TTC33: variants seen among roughly 807,000 people sequenced by gnomAD.
TTC33 encodes tetratricopeptide repeat protein 33.
Under a neutral mutation model 29.4 loss-of-function variants are expected in TTC33, and 24 were observed. The observed-to-expected ratio is 0.82, with a 90% CI of 0.59 to 1.15. The LOEUF is 1.15. Ranked by LOEUF, TTC33 falls within the 50% of genes most tolerant of loss-of-function variation. TTC33 has a pLI of 0.00. For synonymous variants in TTC33, 107 were observed against 100.3 expected, an observed-to-expected ratio of 1.07 and a Z score of -0.40; for missense variants, 286 against 310.4, an observed-to-expected ratio of 0.92 and a Z score of 0.59.
rs1741918421 is a variant in TTC33 at position 40,712,617 on chromosome 5, G to C, written c.*3528C>G. ...TTTGCAGAGGCAAAGAACTTTCACT[G>C]CAAGGTTCACAATGTAGCTGGCAAG... On this transcript the variant is annotated 3_prime_UTR_variant, in exon 5 of 5. Transcript: ENST00000337702. Among the ~76,000 whole-genome samples the C allele has an allele frequency of 6.6e-6, 1 of 152,154 alleles. No individual in the cohort carries two copies.
chr5:40,723,316 T>C (rs1008735206), intron 4 of TTC33, among the ~76,000 whole-genome samples: 1 of 152,022 alleles, frequency 6.6e-6, no homozygotes, highest in African/African-American at 2.4e-5. Flanking sequence ...CAGGGTCCTC[T>C]GCCTAGGAAA....
At chr5:40,720,551 G>A (rs185033979) in intron 4 of TTC33, among the ~76,000 whole-genome samples, 46 of 152,202 alleles carry the variant, frequency 3.0e-4, no homozygotes, top group Non-Finnish European at 4.9e-4. Flanking sequence ...TCTCCCAAGG[G>A]CACTCCTCTT....
rs930595716 is a variant in TTC33, at chr5:40,711,645, A to G, written c.*4500T>C. On this transcript the variant is annotated 3_prime_UTR_variant, in exon 5 of 5. Transcript: ENST00000337702. ...CTTGAAACAACCTAAATGTCCATCA[A>G]TAGGTGAACAGCTAAACAAATTGTG... Among the ~76,000 whole-genome samples, 2 of 152,148 alleles carry G rather than the reference A, an allele frequency of 1.3e-5. No individual in the cohort carries two copies. The highest frequency in any genetic ancestry group is 2.4e-5 in the African/African-American group (1 of 41,446).
chr5:40,743,096 T>G (rs1344599483), intron 2 of TTC33, among the ~76,000 whole-genome samples: 1 of 152,098 alleles, frequency 6.6e-6, no homozygotes, highest in African/African-American at 2.4e-5. Flanking sequence ...ACTAAATAAG[T>G]GTATACAGTA....
chr5:40,736,975 T>C (rs1438693736), intron 2 of TTC33, among the ~76,000 whole-genome samples: 1 of 152,170 alleles, frequency 6.6e-6, no homozygotes, highest in Non-Finnish European at 1.5e-5. Flanking sequence ...GAATCATGAA[T>C]ACTCTAAGGT....
chr5:40,730,612 C>A (rs1742404425), intron 2 of TTC33, among the ~76,000 whole-genome samples: 1 of 152,146 alleles, frequency 6.6e-6, no homozygotes, highest in South Asian at 2.1e-4. Flanking sequence ...CCTCCTCCAC[C>A]CCCGGGCAAA....
rs1561145928 is a variant in TTC33, at chr5:40,726,214, T to TA, written c.435+2130_435+2131insT. Among the ~76,000 whole-genome samples the TA allele has an allele frequency of 1.3e-3, 196 of 149,282 alleles. 1 individual carries two copies. Among genetic ancestry groups the TA allele is most frequent in the African/African-American group, 4.7e-3 (189 of 40,606 alleles). ...AATGTATACCATATACATACATATT[T>TA]TATATATATATATCTCCTATAAACA... On this transcript the variant is annotated intron_variant, in intron 4 of 4. Transcript: ENST00000337702.
intron 3 of TTC33, among the ~76,000 whole-genome samples, chr5:40,729,451 T>C (rs951682114): frequency 1.3e-5 from 2 of 152,240 alleles, no homozygotes; most frequent in African/African-American, 2.4e-5. Flanking sequence ...CTTTACAGAC[T>C]TTCCTACAAA....
At chr5:40,741,900 A>C (rs924375771) in intron 2 of TTC33, among the ~76,000 whole-genome samples, 2 of 152,102 alleles carry the variant, frequency 1.3e-5, no homozygotes, top group African/African-American at 4.8e-5. Context: ...GAGGCAGGAG[A>C]ACCGCTTGAG....
chr5:40,730,904 TA>T (rs1163026323), intron 2 of TTC33, among the ~76,000 whole-genome samples: 1 of 152,114 alleles, frequency 6.6e-6, no homozygotes, highest in Non-Finnish European at 1.5e-5. Context: ...TGATTATTTA[TA>T]ATAATAATAA....
At chr5:40,727,352 T>C (rs183677685) in intron 4 of TTC33, among the ~76,000 whole-genome samples, 6 of 152,302 alleles carry the variant, frequency 3.9e-5, no homozygotes, top group African/African-American at 1.4e-4. Context: ...AAACACTTGT[T>C]AGGAAGTTAA....
chr5:40,739,248 C>A (rs1299684458), intron 2 of TTC33, among the ~76,000 whole-genome samples: 1 of 152,162 alleles, frequency 6.6e-6, no homozygotes, highest in African/African-American at 2.4e-5. Context: ...CTTTGCATTT[C>A]CACATAAACT....
At position 40,716,446 on chromosome 5, in the gene TTC33, A is replaced by G; in HGVS notation, c.488T>C (p.Ile163Thr). The change falls in exon 5 of 5, where the codon ATA (isoleucine) becomes ACA (threonine). Residue 163 changes from isoleucine to threonine, a missense_variant. Coordinates refer to ENST00000337702, the MANE Select transcript of TTC33 (RefSeq NM_012382.3). ...TGCCCAAGAGAGGTCTTCTTTCCAT[A>G]TTTCAGGGTTCATTGGATAGATGTG... ...ALHIYPMNPE[I>T]WKEDLSWART... 6.2e-7 allele frequency: 1 copy of G among 1,613,480 alleles called. No individual in the cohort carries two copies. Among genetic ancestry groups the G allele is most frequent in the Non-Finnish European group, 8.5e-7 (1 of 1,179,960 alleles).
At chr5:40,722,920 C>T (rs548994949) in intron 4 of TTC33, among the ~76,000 whole-genome samples, 1 of 152,262 alleles carries the variant, frequency 6.6e-6, no homozygotes, top group East Asian at 1.9e-4. Context: ...GCCCAGCCGC[C>T]ACCCCATCTG....
intron 1 of TTC33, among the ~76,000 whole-genome samples, chr5:40,751,502 A>T (rs1203344501): frequency 6.6e-6 from 1 of 152,230 alleles, no homozygotes; most frequent in African/African-American, 2.4e-5. Context: ...GATTTTGAGA[A>T]CGGTAAATAG....
intron 2 of TTC33, among the ~76,000 whole-genome samples, chr5:40,744,824 A>AT (rs1286207799): frequency 6.6e-6 from 1 of 152,214 alleles, no homozygotes; most frequent in Non-Finnish European, 1.5e-5. Flanking sequence ...CTCTCAACAG[A>AT]TACCAAACAC....
rs6890397 is a variant in TTC33 at position 40,724,304 on chromosome 5, G to A, written c.435+4041C>T. Among the ~76,000 whole-genome samples the A allele has an allele frequency of 5.4e-3, 821 of 152,266 alleles. 5 individuals are homozygous for A. Among genetic ancestry groups the A allele is most frequent in the African/African-American group, 0.018 (768 of 41,576 alleles). On this transcript the variant is annotated intron_variant, in intron 4 of 4. Coordinates refer to ENST00000337702, the MANE Select transcript of TTC33 (RefSeq NM_012382.3). ...AAATTCTGCATAATTCCACTTATAC[G>A]ATATCTCTAAAACAGGCAAATTCAT...
intron 4 of TTC33, among the ~76,000 whole-genome samples, chr5:40,721,687 C>T (rs1742139233): frequency 6.7e-6 from 1 of 149,850 alleles, no homozygotes. Flanking sequence ...AAAACAAAAA[C>T]AAAACAAAAC....
intron 2 of TTC33, among the ~76,000 whole-genome samples, chr5:40,739,118 A>G (rs1159200170): frequency 2.0e-5 from 3 of 152,192 alleles, no homozygotes; most frequent in Non-Finnish European, 4.4e-5. Context: ...ATGTATGTCT[A>G]TCTTTACACT....
Sources: gnomAD v4.1 joint callset for allele counts (sites outside exome capture counted in the v4.1 genomes callset) on GRCh38, gnomAD v4.1.1 for gene constraint, MANE v1.5 for transcripts, NCBI Gene and HGNC (gene_info 2026-07-23, HGNC 2026-07-21) for gene names.